Variants in EFHC2 observed in about 807,000 individuals in gnomAD.
EFHC2 encodes EF-hand domain-containing family member C2.
EFHC2 carries 18 observed loss-of-function variants against 52.7 expected under a neutral mutation model. That is an observed-to-expected ratio of 0.34 (90% CI 0.24 to 0.51). The LOEUF is 0.51. EFHC2 is among the 20% of genes least tolerant of loss of function. The pLI is 0.97. For synonymous variants in EFHC2, 203 were observed against 204.1 expected (o/e 0.99, Z 0.04); for missense variants, 513 against 562.5 (o/e 0.91, Z 0.89).
intron 14 of EFHC2, among the ~76,000 whole-genome samples, chrX:44,156,952 C>A (rs1179186485): frequency 9.0e-6 from 1 of 111,135 alleles, no homozygotes; most frequent in East Asian, 2.9e-4. Flanking sequence ...TAAATTACAG[C>A]CCCATGGCTC....
intron 4 of EFHC2, among the ~76,000 whole-genome samples, chrX:44,259,262 T>C (rs1211490543): frequency 1.8e-5 from 2 of 111,344 alleles, no homozygotes; most frequent in African/African-American, 6.5e-5. Context: ...ATGGATGAAG[T>C]TGGAAACCAG....
intron 4 of EFHC2, among the ~76,000 whole-genome samples, chrX:44,250,960 C>T (rs757646740): frequency 4.5e-5 from 5 of 110,272 alleles, no homozygotes; most frequent in East Asian, 2.8e-4. Flanking sequence ...AAGAACTGGC[C>T]GGGCGCGGTG....
At chrX:44,236,815 T>C (rs2037323918) in intron 8 of EFHC2, among the ~76,000 whole-genome samples, 1 of 111,637 alleles carries the variant, frequency 9.0e-6, no homozygotes. Context: ...CTCTGGTATA[T>C]AATTGGATTT....
chrX:44,288,530 A>G (rs752710206), intron 2 of EFHC2, among the ~76,000 whole-genome samples: 1 of 111,027 alleles, frequency 9.0e-6, no homozygotes, highest in African/African-American at 3.3e-5. Context: ...ATTTCCATAT[A>G]TTGGCCAATT....
chrX:44,261,334 G>A, intron 3 of EFHC2, 36 bp from the exon 4 acceptor site: 4 of 1,094,832 alleles, frequency 3.7e-6, no homozygotes, highest in Non-Finnish European at 4.9e-6. Context: ...GTTTTATCAT[G>A]TGGCTAACAA....
intron 1 of EFHC2, among the ~76,000 whole-genome samples, chrX:44,313,109 A>G (rs73628340): frequency 1.5e-4 from 16 of 105,044 alleles, no homozygotes; most frequent in South Asian, 8.1e-4. Flanking sequence ...AAAAAAAAAA[A>G]AAAGAAAGAA....
intron 11 of EFHC2, among the ~76,000 whole-genome samples, chrX:44,185,749 G>T (rs1391985551): frequency 1.8e-5 from 2 of 110,826 alleles, no homozygotes; most frequent in African/African-American, 6.6e-5. Context: ...TGTTGCCCAG[G>T]TTGGTCTCCT....
At chrX:44,219,134 C>A (rs2037173839) in intron 11 of EFHC2, among the ~76,000 whole-genome samples, 1 of 86,094 alleles carries the variant, frequency 1.2e-5, no homozygotes, top group Admixed American at 1.3e-4. Flanking sequence ...CAGAGAAAAA[C>A]CACCTATAGT....
chrX:44,245,430 T>G (rs1421083109), intron 7 of EFHC2, among the ~76,000 whole-genome samples: 2 of 112,297 alleles, frequency 1.8e-5, no homozygotes, highest in Non-Finnish European at 3.8e-5. Context: ...GTCCTTTTAG[T>G]GAAAGAAACA....
chrX:44,319,324 A>G (rs933250901), intron 1 of EFHC2, among the ~76,000 whole-genome samples: 17 of 111,376 alleles, frequency 1.5e-4, no homozygotes, highest in Non-Finnish European at 1.5e-4. Flanking sequence ...TAAAGAGGCC[A>G]CTGCCATATC....
intron 2 of EFHC2, among the ~76,000 whole-genome samples, chrX:44,293,156 A>G (rs1156416410): frequency 9.2e-6 from 1 of 109,090 alleles, no homozygotes; most frequent in Non-Finnish European, 1.9e-5. Context: ...TATACACTCT[A>G]TTTTTTTAGG....
At chrX:44,221,251 G>C (rs1458820030) in intron 11 of EFHC2, among the ~76,000 whole-genome samples, 1 of 111,097 alleles carries the variant, frequency 9.0e-6, no homozygotes, top group African/African-American at 3.3e-5. Flanking sequence ...GTTTGTGATA[G>C]CTTTTGCCAT....
At chrX:44,249,028 GAATA>G (rs2037422096) in intron 5 of EFHC2, 112 bp from the exon 6 acceptor site, 1 of 403,765 alleles carries the variant, frequency 2.5e-6, no homozygotes, top group Non-Finnish European at 4.2e-6. Flanking sequence ...TTGAATGAAT[GAATA>G]AAATGAATTA....
intron 1 of EFHC2, among the ~76,000 whole-genome samples, chrX:44,334,545 G>A (rs775290511): frequency 2.7e-5 from 3 of 112,000 alleles, no homozygotes; most frequent in African/African-American, 6.5e-5. Flanking sequence ...GTGCGATCTC[G>A]GCTCACCACA....
chrX:44,172,513 T>A (rs1188802399), intron 13 of EFHC2, among the ~76,000 whole-genome samples: 1 of 112,324 alleles, frequency 8.9e-6, no homozygotes, highest in East Asian at 2.8e-4. Context: ...ACCGAGCCCA[T>A]GTTTTTCTAC....
At position 44,235,300 on chromosome X, in the gene EFHC2, C is replaced by G. The variant is rs757844126; in HGVS notation, c.1423+5G>C. The stretch of plus-strand genomic sequence containing the variant: ...AGAAAATACTGTGAAGAGTATATCT[C>G]TTACCTGAATTCCTCTCTATAGGTT... On this transcript the variant is annotated splice_donor_5th_base_variant and intron_variant, in intron 9 of 14. Transcript: ENST00000420999. The G allele has an allele frequency of 3.4e-6, 4 of 1,159,906 alleles. No individual in the cohort carries two copies. The highest frequency in any genetic ancestry group is 4.6e-6 in the Non-Finnish European group (4 of 869,221).
At chrX:44,226,996 A>G (rs2037238147) in intron 11 of EFHC2, among the ~76,000 whole-genome samples, 1 of 110,813 alleles carries the variant, frequency 9.0e-6, no homozygotes, top group African/African-American at 3.3e-5. Context: ...ATTATCTCAG[A>G]GAATTATTTC....
intron 2 of EFHC2, among the ~76,000 whole-genome samples, chrX:44,290,017 T>C (rs1009350294): frequency 3.6e-5 from 4 of 112,140 alleles, no homozygotes; most frequent in African/African-American, 1.3e-4. Context: ...AAGTTGCTTT[T>C]GTTTGTATTG....
At chrX:44,291,471 A>T (rs1416715198) in intron 2 of EFHC2, among the ~76,000 whole-genome samples, 1 of 112,337 alleles carries the variant, frequency 8.9e-6, no homozygotes, top group African/African-American at 3.2e-5. Flanking sequence ...AGTTTTCATG[A>T]CTAAATCTAT....
Sources: gnomAD v4.1 joint callset for allele counts (sites outside exome capture counted in the v4.1 genomes callset) on GRCh38, gnomAD v4.1.1 for gene constraint, MANE v1.5 for transcripts, NCBI Gene and HGNC (gene_info 2026-07-23, HGNC 2026-07-21) for gene names.